The following MORC2 variants were observed in gnomAD, a reference collection of about 807,000 sequenced individuals.
The protein encoded by MORC2 is ATPase MORC2.
MORC2 carries 30 observed loss-of-function variants against 136.0 expected under a neutral mutation model. That is an observed-to-expected ratio of 0.22 (90% confidence interval 0.17 to 0.30). The LOEUF (loss-of-function observed/expected upper bound fraction) is 0.30. MORC2 is among the 10% of genes least tolerant of loss of function. The pLI, the probability that MORC2 is intolerant of heterozygous loss-of-function variation, is 1.00. For missense variants in MORC2, 922 were observed against 1,333.1 expected, an observed-to-expected ratio of 0.69 and a Z score of 4.80; for synonymous variants, 439 against 487.0, an observed-to-expected ratio of 0.90 and a Z score of 1.30.
rs1360682657 is a variant in MORC2, at chr22:30,934,839, G to A, written c.2135C>T (p.Pro712Leu). ...NSKSPREVPS[P>L]KVIKTPVVKK... The stretch of plus-strand genomic sequence containing the variant: ...CACCACTGGAGTCTTGATGACTTTG[G>A]GAGAAGGAACCTCCCGAGGGCTCTT... The change falls in exon 19 of 26, where the codon CCC becomes CTC. Residue 712 changes from proline (P) to leucine (L), a missense_variant. Pro to Leu is a moderately conservative substitution (Grantham distance 98). This residue lies in a region of MORC2 where 184 missense variants were observed against 180.3 expected (regional missense o/e 1.02). Coordinates refer to ENST00000397641, the MANE Select transcript of MORC2 (RefSeq NM_001303256.3). The surrounding 1 kb of genome is among the most constrained non-coding windows in gnomAD (Gnocchi z 4.4). The A allele has an allele frequency of 6.2e-7, 1 of 1,614,176 alleles. No individual in the cohort carries two copies. Among genetic ancestry groups the A allele is most frequent in the Admixed American group, 1.7e-5 (1 of 60,032 alleles).
rs2147265740 is a variant in MORC2 at position 30,941,645 on chromosome 22, A to C, written c.699-87T>G. The C allele has an allele frequency of 6.6e-7, 1 of 1,521,614 alleles. No homozygotes were observed. Among genetic ancestry groups the C allele is most frequent in the Non-Finnish European group, 8.9e-7 (1 of 1,124,072 alleles). 94.3% of individuals were successfully genotyped at this position (1,521,614 alleles called of 1,614,324 possible). ...ACAACATCCTCTCTGCAGGCTCTCC[A>C]CCTTTCCATGTTAGGTACTGACTTC... On this transcript the variant is annotated intron_variant, in intron 8 of 25. Coordinates refer to ENST00000397641, the MANE Select transcript of MORC2 (RefSeq NM_001303256.3). The surrounding 1 kb of genome is among the most constrained non-coding windows in gnomAD (Gnocchi z 4.6).
At chr22:30,938,430 T>C (rs980320199) in intron 12 of MORC2, among the ~76,000 whole-genome samples, 4 of 152,192 alleles carry the variant, frequency 2.6e-5, no homozygotes, top group African/African-American at 9.7e-5. Flanking sequence ...ACAGGGATGG[T>C]TGCCAAACCA....
intron 10 of MORC2, 139 bp downstream of exon 10, chr22:30,940,619 A>G: frequency 1.4e-6 from 1 of 732,780 alleles, no homozygotes; most frequent in Non-Finnish European, 2.5e-6. Context: ...AGGGGCTGCA[A>G]AGGAACTGAA....
chr22:30,927,429 C>T (rs191748756), intron 25 of MORC2, among the ~76,000 whole-genome samples: 1 of 152,302 alleles, frequency 6.6e-6, no homozygotes, highest in East Asian at 1.9e-4. Flanking sequence ...CTTCCTTCTG[C>T]CTGGAATGCT....
rs1420584319 is a variant in MORC2, at chr22:30,941,640, T to C, written c.699-82A>G. On this transcript the variant is annotated intron_variant, in intron 8 of 25. Transcript: ENST00000397641. The surrounding 1 kb of genome is among the most constrained non-coding windows in gnomAD (Gnocchi z 4.6). Reference sequence around the variant, plus strand: ...AGGGCACAACATCCTCTCTGCAGGCTCTCCACCTTTCCATGTTAGGTACTG... The same window carrying C: ...AGGGCACAACATCCTCTCTGCAGGCCCTCCACCTTTCCATGTTAGGTACTG... 3 of 1,529,494 alleles carry C rather than the reference T, an allele frequency of 2.0e-6. No homozygotes were observed. The East Asian group carries it at 6.9e-5, about 35-fold the overall frequency. 94.7% of individuals were successfully genotyped at this position (1,529,494 alleles called of 1,614,324 possible). A position where few individuals can be genotyped will look rare whatever the true frequency, so the allele number is the denominator to read the frequency against.
Position 30,938,130 on chromosome 22 carries a change from G to A in MORC2, c.1149C>T (p.Phe383=), listed in dbSNP as rs752792556. The A allele has an allele frequency of 1.2e-6, 2 of 1,614,076 alleles. No individual in the cohort carries two copies. The highest frequency in any genetic ancestry group is 2.2e-5 in the South Asian group (2 of 91,072). ...TGATCAGTCGGCTACAGTTGTAGAT[G>A]AACATGCCATCCAGATCCCGGTGTT... is the stretch of plus-strand genomic sequence containing the variant. ...NIEHRDLDGM[F]IYNCSRLIKM... Residue 383 remains phenylalanine (F), a synonymous_variant, in exon 13 of 26, where the codon TTC becomes TTT. Coordinates refer to ENST00000397641, the MANE Select transcript of MORC2 (RefSeq NM_001303256.3).
At position 30,934,072 on chromosome 22, in the gene MORC2, C is replaced by T. The variant is rs144738487; in HGVS notation, c.2313G>A (p.Lys771=). The stretch of plus-strand genomic sequence containing the variant: ...CTCAACCACTCACCTCATTCGAGTC[C>T]TTCTTTTCCTCCTTCACAACAAATC... The part of the protein sequence containing the change: ...RGRFVVKEEK[K]DSNELSDSAG... Residue 771 remains lysine (K), a synonymous_variant, in exon 20 of 26, where the codon AAG becomes AAA. Coordinates refer to ENST00000397641, the MANE Select transcript of MORC2 (RefSeq NM_001303256.3). This position sits in a 1 kb window ranked among gnomAD's most constrained non-coding sequence, Gnocchi z 4.4. The T allele has an allele frequency of 7.6e-5, 122 of 1,614,006 alleles. No individual in the cohort carries two copies. Among genetic ancestry groups the T allele is most frequent in the Non-Finnish European group, 9.2e-5 (109 of 1,180,026 alleles).
intron 1 of MORC2, among the ~76,000 whole-genome samples, chr22:30,963,572 G>A (rs950507150): frequency 4.6e-5 from 7 of 151,904 alleles, no homozygotes; most frequent in African/African-American, 1.5e-4. Flanking sequence ...TTTTAATAGC[G>A]ATGGGGTTTC....
At chr22:30,936,101 T>C (rs1226087949) in intron 17 of MORC2, among the ~76,000 whole-genome samples, 1 of 152,212 alleles carries the variant, frequency 6.6e-6, no homozygotes, top group Non-Finnish European at 1.5e-5. Context: ...TATGTATTAA[T>C]ATAAAACATA....
rs371390870 is a variant in MORC2, at chr22:30,939,356, AAAAG to A, written c.1073+261_1073+264del. 1.1e-3 allele frequency among the ~76,000 whole-genome samples: 164 copies of A among 152,304 alleles called. 2 individuals carry two copies. Among genetic ancestry groups the A allele is most frequent in the Middle Eastern group, 0.01 (3 of 294 alleles). ...GAGCATTTTATACATCCTTTAAATGAAAAGAAAGAAAGAAAAAGGGAAGAAAAGG... is the reference window on the plus strand; with the variant it reads ...GAGCATTTTATACATCCTTTAAATGAAAAGAAAGAAAAAGGGAAGAAAAGG... On this transcript the variant is annotated intron_variant, in intron 12 of 25. Transcript: ENST00000397641.
chr22:30,933,461 C>T lies in MORC2; in HGVS notation c.2380+5G>A, dbSNP rs2040606254. The T allele has an allele frequency of 6.2e-7, 1 of 1,613,842 alleles. No homozygotes were observed. The highest frequency in any genetic ancestry group is 1.3e-5 in the African/African-American group (1 of 74,992). On this transcript the variant is annotated splice_donor_5th_base_variant and intron_variant, in intron 21 of 25. Transcript: ENST00000397641. ...ACAGGCTGCCAAGTCACTCCCCCAGCTCACCTTTCTGAGCTCTCTTGAGGT... is the reference window on the plus strand; with the variant it reads ...ACAGGCTGCCAAGTCACTCCCCCAGTTCACCTTTCTGAGCTCTCTTGAGGT...
Position 30,941,368 on chromosome 22 carries a change from CCA to C in MORC2, c.824+63_824+64del. The C allele has an allele frequency of 3.1e-6, 5 of 1,589,560 alleles. No individual in the cohort carries two copies. The highest frequency in any genetic ancestry group is 4.3e-6 in the Non-Finnish European group (5 of 1,166,712). On this transcript the variant is annotated intron_variant, in intron 9 of 25. Transcript: ENST00000397641. This position sits in a 1 kb window ranked among gnomAD's most constrained non-coding sequence, Gnocchi z 4.6. ...TATACAGCATCCCTCTAACAATGCCCCAGAGAAACGCGGCCACATCCTCGACC... is the reference window on the plus strand; with the variant it reads ...TATACAGCATCCCTCTAACAATGCCCGAGAAACGCGGCCACATCCTCGACC...
At chr22:30,951,841 T>C (rs1426678106) in intron 3 of MORC2, among the ~76,000 whole-genome samples, 30 of 152,002 alleles carry the variant, frequency 2.0e-4, no homozygotes, top group Admixed American at 1.1e-3. Flanking sequence ...AGTCTCACTC[T>C]GTCGCCCAGG....
In MORC2 at chr22:30,942,288, A is replaced by G. The variant is rs1231166688; in HGVS notation, c.427-17T>C. The G allele has an allele frequency of 1.9e-6, 3 of 1,599,818 alleles. No homozygotes were observed. The highest frequency in any genetic ancestry group is 2.6e-6 in the Non-Finnish European group (3 of 1,175,260). ...GACTATCACCTGTGGAGTAAACATGAGCAGGCACTTTAAGGGAAGCCCCAG... is the reference window on the plus strand; with the variant it reads ...GACTATCACCTGTGGAGTAAACATGGGCAGGCACTTTAAGGGAAGCCCCAG... On this transcript the variant is annotated splice_polypyrimidine_tract_variant and intron_variant, in intron 6 of 25. Coordinates refer to ENST00000397641, the MANE Select transcript of MORC2 (RefSeq NM_001303256.3).
chr22:30,932,757 G>T lies in MORC2; in HGVS notation c.2535C>A (p.Gly845=), dbSNP rs548088557. ...GTTTCATCAGCCGCACATCCTCACT[G>T]CCTTTCTCCACCCTGTGGAAGACAC... ...TTPRDRWVEK[G]SEDVRLMKPP... The change falls in exon 23 of 26, where the codon GGC becomes GGA. Residue 845 remains glycine (G), a synonymous_variant. Transcript: ENST00000397641. The surrounding 1 kb of genome is among the most constrained non-coding windows in gnomAD (Gnocchi z 4.4). 6.2e-7 allele frequency: 1 copy of T among 1,614,146 alleles called. No homozygotes were observed. The highest frequency in any genetic ancestry group is 8.5e-7 in the Non-Finnish European group (1 of 1,180,008).
intron 24 of MORC2, among the ~76,000 whole-genome samples, chr22:30,931,196 C>T (rs1043459332): frequency 6.6e-6 from 1 of 152,204 alleles, no homozygotes; most frequent in African/African-American, 2.4e-5. Context: ...CCCAAATCAC[C>T]CTCTTAGGGG....
intron 1 of MORC2, among the ~76,000 whole-genome samples, chr22:30,966,373 A>G (rs966245541): frequency 3.3e-5 from 5 of 152,186 alleles, no homozygotes; most frequent in Non-Finnish European, 7.3e-5. Flanking sequence ...AGGACACTAA[A>G]GTTTTTTCCC....
chr22:30,938,203 G>A lies in MORC2; in HGVS notation c.1076C>T (p.Ala359Val). ...KKRIKEAKQR[A>V]LKEPKELNFV... The stretch of plus-strand genomic sequence containing the variant: ...ATTCAGTTCCTTAGGTTCTTTAAGT[G>A]CTCTAAGAAGACAAAAAAACTCAAG... The change falls in exon 13 of 26, where the codon GCA becomes GTA. Residue 359 changes from alanine (A) to valine (V), a missense_variant and splice_region_variant. Ala to Val is a moderately conservative substitution (Grantham distance 64). This residue lies in a region of MORC2 where 261 missense variants were observed against 354.3 expected (regional missense o/e 0.74). Transcript: ENST00000397641. 6.2e-7 allele frequency: 1 copy of A among 1,611,480 alleles called. No individual in the cohort carries two copies. Among genetic ancestry groups the A allele is most frequent in the Non-Finnish European group, 8.5e-7 (1 of 1,178,720 alleles).
intron 1 of MORC2, among the ~76,000 whole-genome samples, chr22:30,965,501 GT>G (rs377734153): frequency 3.5e-4 from 54 of 152,286 alleles, no homozygotes; most frequent in Admixed American, 2.8e-3. Flanking sequence ...TTGGTTTAGG[GT>G]TTATACTGTC....
Sources: allele counts gnomAD v4.1 joint callset (sites outside exome capture counted in the v4.1 genomes callset), GRCh38; gene constraint gnomAD v4.1.1; regional missense constraint gnomAD v4.1.1; non-coding constraint Gnocchi (gnomAD v3.1); transcripts MANE v1.5; gene names NCBI Gene and HGNC (gene_info 2026-07-23, HGNC 2026-07-21).